The following OTX2 variants were observed in gnomAD, a reference collection of about 807,000 sequenced individuals.
OTX2 encodes the protein orthodenticle homeobox 2.
OTX2 carries 4 observed loss-of-function variants against 29.0 expected under a neutral mutation model. That is an observed-to-expected ratio of 0.14 (90% confidence interval 0.07 to 0.32). OTX2 has a LOEUF of 0.32. OTX2 is among the 10% of genes least tolerant of loss of function. The pLI is 1.00. For missense variants in OTX2, 298 were observed against 365.9 expected (o/e 0.81, Z 1.51); for synonymous variants, 134 against 141.0 (o/e 0.95, Z 0.35).
intron 2 of OTX2, among the ~76,000 whole-genome samples, chr14:56,809,923 C>T (rs914935431): frequency 2.6e-5 from 4 of 152,210 alleles, no homozygotes; most frequent in African/African-American, 4.8e-5. Flanking sequence ...AAGCGACGAC[C>T]CCCAGGAGCA....
At chr14:56,803,393 T>C (rs1012304659) in intron 4 of OTX2, among the ~76,000 whole-genome samples, 2 of 152,240 alleles carry the variant, frequency 1.3e-5, no homozygotes, top group African/African-American at 2.4e-5. Context: ...TGCTAAAACT[T>C]CCTCTAACCT....
chr14:56,809,845 A>C (rs182128494), intron 2 of OTX2, among the ~76,000 whole-genome samples: 3 of 152,336 alleles, frequency 2.0e-5, no homozygotes, highest in South Asian at 2.1e-4. Flanking sequence ...ACATAAAAAC[A>C]AAACCACAAA....
intron 3 of OTX2, 121 bp downstream of exon 3, chr14:56,805,239 C>G: frequency 1.4e-6 from 1 of 710,534 alleles, no homozygotes; most frequent in Non-Finnish European, 2.5e-6. Flanking sequence ...GGAGACCAAG[C>G]CTGAAGCTGG....
At chr14:56,808,022 G>C (rs1393388040) in intron 2 of OTX2, among the ~76,000 whole-genome samples, 1 of 151,426 alleles carries the variant, frequency 6.6e-6, no homozygotes, top group Non-Finnish European at 1.5e-5. Flanking sequence ...CAGGCCTGGC[G>C]CCCGAGGTCC....
chr14:56,801,444 G>T lies in OTX2; in HGVS notation c.*291C>A. On this transcript the variant is annotated 3_prime_UTR_variant, in exon 5 of 5. Coordinates refer to ENST00000672264, the MANE Select transcript of OTX2 (RefSeq NM_021728.4). The surrounding 1 kb of genome is among the most constrained non-coding windows in gnomAD (Gnocchi z 4.2). ...CTTAGTTTTGTTTGATTTTATTTTTGGTGGTGTTTGGTTGCACATGGCTAG... is the reference window on the plus strand; with the variant it reads ...CTTAGTTTTGTTTGATTTTATTTTTTGTGGTGTTTGGTTGCACATGGCTAG... 2.2e-6 allele frequency: 1 copy of T among 461,836 alleles called. No individual in the cohort carries two copies. Among genetic ancestry groups the T allele is most frequent in the Non-Finnish European group, 4.0e-6 (1 of 252,410 alleles). The allele number at this position is 461,836 out of a possible 1,614,324, so 28.6% of individuals were successfully genotyped here.
At position 56,802,465 on chromosome 14, in the gene OTX2, A is replaced by G. The variant is rs140155883; in HGVS notation, c.274-110T>C. 174 of 1,237,860 alleles carry G rather than the reference A, an allele frequency of 1.4e-4. No homozygotes were observed. In the African/African-American group the frequency reaches 2.4e-3, roughly 17 times the overall value. 76.7% of individuals were successfully genotyped at this position (1,237,860 alleles called of 1,614,324 possible). On this transcript the variant is annotated intron_variant, in intron 4 of 4. Coordinates refer to ENST00000672264, the MANE Select transcript of OTX2 (RefSeq NM_021728.4). The surrounding 1 kb of genome is among the most constrained non-coding windows in gnomAD (Gnocchi z 4.4). Reference sequence around the variant, plus strand: ...CATGGGCAGATCAGCTAAACACACAATTTCCCCTGCCACTGAAGACCTATT... The same window carrying G: ...CATGGGCAGATCAGCTAAACACACAGTTTCCCCTGCCACTGAAGACCTATT...
rs1891946824 is a variant in OTX2 at position 56,802,971 on chromosome 14, T to C, written c.274-616A>G. ...CTATTTGCTAAAAGCTTCTTTGTGG[T>C]AAAAGGAGTGACTTACATGCACTCT... On this transcript the variant is annotated intron_variant, in intron 4 of 4. Coordinates refer to ENST00000672264, the MANE Select transcript of OTX2 (RefSeq NM_021728.4). This position sits in a 1 kb window ranked among gnomAD's most constrained non-coding sequence, Gnocchi z 4.4. Among the ~76,000 whole-genome samples, 1 of 152,200 alleles carries C rather than the reference T, an allele frequency of 6.6e-6. No homozygotes were observed. The highest frequency in any genetic ancestry group is 6.5e-5 in the Admixed American group (1 of 15,282).
intron 3 of OTX2, 115 bp downstream of exon 3, chr14:56,805,245 G>C (rs926893077): frequency 1.4e-6 from 1 of 727,068 alleles, no homozygotes; most frequent in Non-Finnish European, 2.5e-6. Context: ...CAAGCCTGAA[G>C]CTGGGTGGGG....
Position 56,804,421 on chromosome 14 carries a change from C to A in OTX2, c.98-58G>T. The A allele has an allele frequency of 6.7e-7, 1 of 1,498,786 alleles. No homozygotes were observed. Among genetic ancestry groups the A allele is most frequent in the Non-Finnish European group, 9.1e-7 (1 of 1,100,460 alleles). 92.8% of individuals were successfully genotyped at this position (1,498,786 alleles called of 1,614,324 possible). The stretch of plus-strand genomic sequence containing the variant: ...GGCGTTTCCGCGGGTTCTCCGACGC[C>A]CCTGCCCTCCACCCCGCAGCAGTCC... On this transcript the variant is annotated intron_variant, in intron 3 of 4. Transcript: ENST00000672264. The surrounding 1 kb of genome is among the most constrained non-coding windows in gnomAD (Gnocchi z 4.1).
At position 56,801,168 on chromosome 14, in the gene OTX2, ACT is replaced by A. The variant is rs1482497443; in HGVS notation, c.*565_*566del. On this transcript the variant is annotated 3_prime_UTR_variant, in exon 5 of 5. Transcript: ENST00000672264. This position sits in a 1 kb window ranked among gnomAD's most constrained non-coding sequence, Gnocchi z 4.2. ...CAGATGTACCATTTATAAGACACAC[ACT>A]GATTGTCTCTTAAACTACATATTGA... The A allele has an allele frequency of 1.0e-4, 18 of 173,302 alleles. No homozygotes were observed. The highest frequency in any genetic ancestry group is 4.3e-4 in the African/African-American group (18 of 41,834). The allele number at this position is 173,302 out of a possible 1,614,324, so 10.7% of individuals were successfully genotyped here. A position where few individuals can be genotyped will look rare whatever the true frequency, so the allele number is the denominator to read the frequency against.
At position 56,801,696 on chromosome 14, in the gene OTX2, T is replaced by C; in HGVS notation, c.*39A>G. On this transcript the variant is annotated 3_prime_UTR_variant, in exon 5 of 5. Transcript: ENST00000672264. This position sits in a 1 kb window ranked among gnomAD's most constrained non-coding sequence, Gnocchi z 4.2. ...TAAAACTGGAATGTCCAGCCCAGTA[T>C]ATTTAAAAATCACCCACAAAAAGAG... 1 of 1,606,238 alleles carries C rather than the reference T, an allele frequency of 6.2e-7. No homozygotes were observed. Among genetic ancestry groups the C allele is most frequent in the Non-Finnish European group, 8.5e-7 (1 of 1,174,444 alleles).
At chr14:56,803,092 G>A (rs1025450317) in intron 4 of OTX2, among the ~76,000 whole-genome samples, 3 of 152,224 alleles carry the variant, frequency 2.0e-5, no homozygotes, top group African/African-American at 7.2e-5. Flanking sequence ...CTCCTGTGCT[G>A]TGTTTACTGA....
In OTX2 at chr14:56,802,144, G is replaced by T; in HGVS notation, c.485C>A (p.Pro162Gln). 6.2e-7 allele frequency: 1 copy of T among 1,614,122 alleles called. No individual in the cohort carries two copies. Among genetic ancestry groups the T allele is most frequent in the South Asian group, 1.1e-5 (1 of 91,072 alleles). Residue 162 changes from proline (P) to glutamine (Q), a missense_variant, in exon 5 of 5, where the codon CCA (proline) becomes CAA (glutamine). Transcript: ENST00000672264. This position sits in a 1 kb window ranked among gnomAD's most constrained non-coding sequence, Gnocchi z 4.4. ...SSSAPVSIWS[P>Q]ASISPLSDPL... ...ATCTGACAGTGGGGAGATGGAAGCT[G>T]GGCTCCAGATAGACACAGGAGCACT...
chr14:56,809,950 C>T (rs946295384), intron 2 of OTX2, among the ~76,000 whole-genome samples: 1 of 152,232 alleles, frequency 6.6e-6, no homozygotes. Flanking sequence ...CTGCCTCTCT[C>T]CCACTACCGC....
chr14:56,805,617 T>A (rs1386513381), intron 2 of OTX2, 42 bp from the exon 3 acceptor site: 1 of 656,462 alleles, frequency 1.5e-6, no homozygotes, highest in Non-Finnish European at 2.8e-6. Flanking sequence ...GCTGGTTTAC[T>A]GCTTCGGAGG....
chr14:56,807,833 G>A (rs1039747749), intron 2 of OTX2, among the ~76,000 whole-genome samples: 1 of 152,186 alleles, frequency 6.6e-6, no homozygotes, highest in African/African-American at 2.4e-5. Flanking sequence ...AAAAATCCAC[G>A]CCTCACTATG....
Position 56,804,059 on chromosome 14 carries a change from C to T in OTX2, c.273+129G>A. 5 of 1,097,370 alleles carry T rather than the reference C, an allele frequency of 4.6e-6. No homozygotes were observed. The highest frequency in any genetic ancestry group is 6.8e-6 in the Non-Finnish European group (5 of 731,596). 68.0% of individuals were successfully genotyped at this position (1,097,370 alleles called of 1,614,324 possible). On this transcript the variant is annotated intron_variant, in intron 4 of 4. Transcript: ENST00000672264. The surrounding 1 kb of genome is among the most constrained non-coding windows in gnomAD (Gnocchi z 4.1). ...GGGCAGAAGGAGAATAGTTTCCTGG[C>T]CCCTTAGTGAGTGAAGGAGAATTTC...
chr14:56,805,949 T>C (rs1196021420), intron 2 of OTX2, among the ~76,000 whole-genome samples: 1 of 152,182 alleles, frequency 6.6e-6, no homozygotes, highest in Admixed American at 6.5e-5. Context: ...ACTAGCTAAT[T>C]GTCTCAAACA....
In OTX2 at chr14:56,804,487, T is replaced by A; in HGVS notation, c.98-124A>T. ...CCTTCAGCCGGGAGCCTACCAATGC[T>A]CTCCCCACCGTCTCCCCAGCCTTGC... On this transcript the variant is annotated intron_variant, in intron 3 of 4. Coordinates refer to ENST00000672264, the MANE Select transcript of OTX2 (RefSeq NM_021728.4). This position sits in a 1 kb window ranked among gnomAD's most constrained non-coding sequence, Gnocchi z 4.1. 1 of 888,414 alleles carries A rather than the reference T, an allele frequency of 1.1e-6. No individual in the cohort carries two copies. Among genetic ancestry groups the A allele is most frequent in the Non-Finnish European group, 1.7e-6 (1 of 595,950 alleles). 55.0% of individuals were successfully genotyped at this position (888,414 alleles called of 1,614,324 possible).
Sources: allele counts gnomAD v4.1 joint callset (sites outside exome capture counted in the v4.1 genomes callset), GRCh38; gene constraint gnomAD v4.1.1; non-coding constraint Gnocchi (gnomAD v3.1); transcripts MANE v1.5; gene names NCBI Gene and HGNC (gene_info 2026-07-23, HGNC 2026-07-21).